The following PRKDC variants were observed in gnomAD, a reference collection of about 807,000 sequenced individuals.
PRKDC encodes the protein protein kinase, DNA-activated, catalytic subunit.
PRKDC carries 82 observed loss-of-function variants against 486.9 expected under a neutral mutation model. The observed-to-expected ratio is 0.17, with a 90% CI of 0.14 to 0.20. The LOEUF is 0.20. PRKDC is among the 10% of genes least tolerant of loss of function. PRKDC has a pLI of 1.00. For missense variants in PRKDC, 4,504 were observed against 5,038.2 expected (o/e 0.89, Z 3.21); for synonymous variants, 1,895 against 1,837.0 (o/e 1.03, Z -0.81).
intron 21 of PRKDC, among the ~76,000 whole-genome samples, chr8:47,925,748 T>C (rs902513257): frequency 1.3e-5 from 2 of 152,186 alleles, no homozygotes; most frequent in Admixed American, 6.5e-5. Flanking sequence ...CCAAAAAAAA[T>C]GTCCCATGTA....
At chr8:47,777,905 A>T in intron 83 of PRKDC, 31 bp from the exon 84 acceptor site, 1 of 1,598,786 alleles carries the variant, frequency 6.3e-7, no homozygotes, top group Non-Finnish European at 8.5e-7. Flanking sequence ...GGAGCAGAAT[A>T]TGTAAGCCAG....
chr8:47,855,346 T>G lies in PRKDC; in HGVS notation c.6637A>C (p.Asn2213His), dbSNP rs1439955320. ...TGVPKDEVLA[N>H]RLLNFLMKHV... The stretch of plus-strand genomic sequence containing the variant: ...TTCATTAGGAAATTAAGCAATCGAT[T>G]TGCTAACACTTCATCTTTAGGGACC... Residue 2213 changes from asparagine (N) to histidine (H), a missense_variant, in exon 50 of 86, where the codon AAT (asparagine) becomes CAT (histidine). Physicochemically the swap from Asn to His is moderately conservative, Grantham distance 68. Coordinates refer to ENST00000314191, the MANE Select transcript of PRKDC (RefSeq NM_006904.7). 2.3e-5 allele frequency: 36 copies of G among 1,599,518 alleles called. No individual in the cohort carries two copies. The highest frequency in any genetic ancestry group is 3.0e-5 in the Non-Finnish European group (35 of 1,172,060).
At chr8:47,867,043 G>A (rs926338432) in intron 40 of PRKDC, among the ~76,000 whole-genome samples, 2 of 152,260 alleles carry the variant, frequency 1.3e-5, no homozygotes, top group Admixed American at 6.5e-5. Flanking sequence ...TGGCTTCCCT[G>A]TGGCATTATG....
intron 16 of PRKDC, among the ~76,000 whole-genome samples, chr8:47,932,374 C>T (rs1342034871): frequency 2.6e-5 from 4 of 151,284 alleles, no homozygotes; most frequent in South Asian, 2.1e-4. Flanking sequence ...TGAGCCACCG[C>T]GCCTGGCCTT....
At chr8:47,900,348 C>T in intron 28 of PRKDC, 25 bp downstream of exon 28, 1 of 1,570,054 alleles carries the variant, frequency 6.4e-7, no homozygotes, top group Non-Finnish European at 8.7e-7. Context: ...CTGTAACGCA[C>T]ACAGAACACT....
At position 47,954,390 on chromosome 8, in the gene PRKDC, T is replaced by C; in HGVS notation, c.456A>G (p.Leu152=). ...CAAGTTCTCCATAGAATTTACTAAA[T>C]AATTCTCCAATTTTAAATTCATCCA... ...RLMDEFKIGE[L]FSKFYGELAL... The change falls in exon 5 of 86, where the codon TTA becomes TTG. Residue 152 remains leucine, a synonymous_variant. Coordinates refer to ENST00000314191, the MANE Select transcript of PRKDC (RefSeq NM_006904.7). 7.2e-7 allele frequency: 1 copy of C among 1,395,160 alleles called. No individual in the cohort carries two copies. Among genetic ancestry groups the C allele is most frequent in the South Asian group, 1.5e-5 (1 of 68,516 alleles). 86.4% of individuals were successfully genotyped at this position (1,395,160 alleles called of 1,614,324 possible).
chr8:47,816,287 G>C (rs977692982), intron 68 of PRKDC, among the ~76,000 whole-genome samples: 2 of 152,112 alleles, frequency 1.3e-5, no homozygotes, highest in African/African-American at 4.8e-5. Flanking sequence ...GAAGTATTCT[G>C]GCCAGAGACA....
chr8:47,929,882 T>G lies in PRKDC; in HGVS notation c.2023A>C (p.Arg675=). ...AAATATTTTATTTTCTTGGCATTTCTTACTGTAATAGAAAGCAATTTGTAG... is the reference window on the plus strand; with the variant it reads ...AAATATTTTATTTTCTTGGCATTTCGTACTGTAATAGAAAGCAATTTGTAG... ...GFYKLLSITV[R]NAKKIKYFEG... is the part of the protein sequence containing the mutation. Residue 675 remains arginine, a synonymous_variant, in exon 18 of 86, where the codon AGA becomes CGA. Coordinates refer to ENST00000314191, the MANE Select transcript of PRKDC (RefSeq NM_006904.7). 6.3e-7 allele frequency: 1 copy of G among 1,596,918 alleles called. No individual in the cohort carries two copies. Among genetic ancestry groups the G allele is most frequent in the East Asian group, 2.2e-5 (1 of 44,700 alleles).
At chr8:47,780,130 G>T (rs1311764262) in intron 80 of PRKDC, among the ~76,000 whole-genome samples, 4 of 150,882 alleles carry the variant, frequency 2.7e-5, no homozygotes, top group Non-Finnish European at 5.9e-5. Context: ...GACCAGACTG[G>T]TCTCGAATTC....
intron 40 of PRKDC, among the ~76,000 whole-genome samples, chr8:47,873,907 A>G (rs1249606392): frequency 6.6e-6 from 1 of 152,144 alleles, no homozygotes; most frequent in Non-Finnish European, 1.5e-5. Flanking sequence ...ATGGGTACAA[A>G]AACATGGTTA....
intron 41 of PRKDC, among the ~76,000 whole-genome samples, chr8:47,863,969 C>G (rs1287340315): frequency 1.3e-5 from 2 of 152,206 alleles, no homozygotes; most frequent in Admixed American, 1.3e-4. Context: ...CTGAGTGATA[C>G]ATCCTGCCCT....
intron 40 of PRKDC, among the ~76,000 whole-genome samples, chr8:47,877,478 C>T (rs552005248): frequency 6.6e-6 from 1 of 152,252 alleles, no homozygotes; most frequent in African/African-American, 2.4e-5. Context: ...TGATAAAAGG[C>T]CAAGATGAAG....
intron 54 of PRKDC, among the ~76,000 whole-genome samples, chr8:47,846,109 G>C (rs1445302406): frequency 1.3e-5 from 2 of 152,108 alleles, no homozygotes; most frequent in Non-Finnish European, 2.9e-5. Flanking sequence ...TGGAGAAAAA[G>C]CTTTCAATAA....
At chr8:47,784,979 G>T in intron 77 of PRKDC, 134 bp downstream of exon 77, 4 of 837,456 alleles carry the variant, frequency 4.8e-6, no homozygotes, top group Non-Finnish European at 7.5e-6. Flanking sequence ...TGAAAAATTC[G>T]GTGAATTTTA....
intron 15 of PRKDC, 118 bp downstream of exon 15, chr8:47,933,847 A>T: frequency 9.2e-7 from 1 of 1,086,354 alleles, no homozygotes; most frequent in Admixed American, 3.3e-5. Flanking sequence ...TTTGAAGTAC[A>T]CTGTTTTAAA....
Position 47,834,202 on chromosome 8 carries a change from C to T in PRKDC, c.8146G>A (p.Val2716Met). The change falls in exon 59 of 86, where the codon GTG becomes ATG. Residue 2716 changes from valine to methionine, a missense_variant. By Grantham distance (21) the Val-to-Met change is conservative. Coordinates refer to ENST00000314191, the MANE Select transcript of PRKDC (RefSeq NM_006904.7). The stretch of plus-strand genomic sequence containing the variant: ...ACTCAGCAACCCAGCTTACCTTTCA[C>T]TTTGTTATCCACCTCGTCCCCTGGA... Reference protein sequence around the residue: ...GLPGDEVDNKVKGAAGRTDLL... With the variant: ...GLPGDEVDNKMKGAAGRTDLL... 3 of 1,614,034 alleles carry T rather than the reference C, an allele frequency of 1.9e-6. No homozygotes were observed. Among genetic ancestry groups the T allele is most frequent in the Non-Finnish European group, 2.5e-6 (3 of 1,179,890 alleles).
At position 47,774,550 on chromosome 8, in the gene PRKDC, T is replaced by C. The variant is rs549651638; in HGVS notation, c.12183-173A>G. Among the ~76,000 whole-genome samples the C allele has an allele frequency of 1.4e-4, 22 of 152,262 alleles. No individual in the cohort carries two copies. The East Asian group carries it at 4.0e-3, about 28-fold the overall frequency. ...ATTTGTAGGAAAACAGAACATGAAT[T>C]ATGCTGCTCAAGTTTTTGTGTGAAT... On this transcript the variant is annotated intron_variant, in intron 85 of 85. Transcript: ENST00000314191.
chr8:47,914,660 GC>G (rs1188381940), intron 23 of PRKDC, among the ~76,000 whole-genome samples: 3 of 152,036 alleles, frequency 2.0e-5, no homozygotes, highest in Admixed American at 2.0e-4. Flanking sequence ...AATTAGCCAG[GC>G]ATGGTGGCGT....
intron 9 of PRKDC, among the ~76,000 whole-genome samples, chr8:47,943,595 A>G (rs984971445): frequency 2.6e-5 from 4 of 152,256 alleles, no homozygotes; most frequent in African/African-American, 9.6e-5. Flanking sequence ...ATCAGGATTC[A>G]TTGAGGCAAA....
Sources: allele counts gnomAD v4.1 joint callset (sites outside exome capture counted in the v4.1 genomes callset), GRCh38; gene constraint gnomAD v4.1.1; transcripts MANE v1.5; gene names NCBI Gene and HGNC (gene_info 2026-07-23, HGNC 2026-07-21).